Variants in ASIC2 observed in about 807,000 individuals in gnomAD.
ASIC2 encodes acid-sensing ion channel 2.
A neutral mutation model predicts 57.3 loss-of-function variants in ASIC2; 25 were observed. The observed-to-expected ratio is 0.44, with a 90% CI of 0.32 to 0.61. The LOEUF (loss-of-function observed/expected upper bound fraction) is 0.61, where lower values mean the gene tolerates loss of function less well. Among genes scored for constraint, ASIC2 ranks in the 20% least tolerant of loss-of-function variants. The pLI, the probability that ASIC2 is intolerant of heterozygous loss-of-function variation, is 0.06. For synonymous variants in ASIC2, 319 were observed against 307.5 expected (o/e 1.04, Z -0.39); for missense variants, 641 against 738.1 (o/e 0.87, Z 1.52).
chr17:34,155,671 G>A (rs1001942260), intron 1 of ASIC2: 22 of 348,454 alleles, frequency 6.3e-5, no homozygotes, highest in South Asian at 2.2e-4. Context: ...ACCGGACAAC[G>A]GACAGCCCAG....
chr17:33,272,248 A>G (rs1042446718), intron 1 of ASIC2, among the ~76,000 whole-genome samples: 1 of 152,212 alleles, frequency 6.6e-6, no homozygotes, highest in Non-Finnish European at 1.5e-5. Flanking sequence ...ATCATCTGAA[A>G]TTATGGCATT....
intron 1 of ASIC2, among the ~76,000 whole-genome samples, chr17:33,174,358 T>C (rs766666076): frequency 1.7e-4 from 25 of 150,658 alleles, no homozygotes; most frequent in Non-Finnish European, 2.8e-4. Flanking sequence ...GTGGTGGAGG[T>C]TGCAGTGAGC....
chr17:33,964,381 G>A (rs1567771189), intron 1 of ASIC2, among the ~76,000 whole-genome samples: 2 of 152,190 alleles, frequency 1.3e-5, no homozygotes, highest in African/African-American at 2.4e-5. Flanking sequence ...TCAGACACTA[G>A]ACCTCTCTAA....
intron 1 of ASIC2, among the ~76,000 whole-genome samples, chr17:33,301,009 CATTT>C (rs71144872): frequency 0.63 from 93,720 of 149,356 alleles, 29,708 homozygotes; most frequent in East Asian, 0.76. Context: ...TCTTTTTATT[CATTT>C]ATTTATTTAT....
chr17:33,492,691 C>T (rs1440806481), intron 1 of ASIC2, among the ~76,000 whole-genome samples: 1 of 152,166 alleles, frequency 6.6e-6, no homozygotes, highest in African/African-American at 2.4e-5. Flanking sequence ...ATGACATGGG[C>T]TGGCTTCTAA....
At chr17:34,056,947 C>A (rs1908786263) in intron 1 of ASIC2, among the ~76,000 whole-genome samples, 1 of 152,160 alleles carries the variant, frequency 6.6e-6, no homozygotes, top group African/African-American at 2.4e-5. Context: ...CATTTAAATA[C>A]CCTGGGGGAA....
chr17:33,244,682 C>G (rs1262144977), intron 1 of ASIC2, among the ~76,000 whole-genome samples: 1 of 152,346 alleles, frequency 6.6e-6, no homozygotes, highest in African/African-American at 2.4e-5. Context: ...CCACGAGACC[C>G]TTGGCTCTTA....
intron 1 of ASIC2, among the ~76,000 whole-genome samples, chr17:33,637,407 G>A (rs1906407894): frequency 6.6e-6 from 1 of 152,096 alleles, no homozygotes; most frequent in Non-Finnish European, 1.5e-5. Flanking sequence ...CAAAGGATGG[G>A]TTTGGAGAGG....
chr17:33,133,936 G>A (rs543819517), intron 1 of ASIC2, among the ~76,000 whole-genome samples: 1 of 152,224 alleles, frequency 6.6e-6, no homozygotes, highest in Non-Finnish European at 1.5e-5. Flanking sequence ...GACAGTCTGG[G>A]AATTATGCCT....
chr17:33,552,387 C>T (rs1405369167), intron 1 of ASIC2, among the ~76,000 whole-genome samples: 1 of 152,160 alleles, frequency 6.6e-6, no homozygotes, highest in Non-Finnish European at 1.5e-5. Context: ...TACAATCTTC[C>T]CTCAGTAACA....
chr17:33,354,697 A>C (rs929064222), intron 1 of ASIC2, among the ~76,000 whole-genome samples: 1 of 151,916 alleles, frequency 6.6e-6, no homozygotes, highest in Non-Finnish European at 1.5e-5. Flanking sequence ...GCCCCTACTC[A>C]TCCTTCCAGT....
chr17:33,900,058 G>T (rs1915197380), intron 1 of ASIC2, among the ~76,000 whole-genome samples: 1 of 152,194 alleles, frequency 6.6e-6, no homozygotes, highest in African/African-American at 2.4e-5. Context: ...TCTCCATGGT[G>T]ATCACACATT....
At chr17:33,286,134 C>A (rs972893405) in intron 1 of ASIC2, among the ~76,000 whole-genome samples, 1 of 152,246 alleles carries the variant, frequency 6.6e-6, no homozygotes. Flanking sequence ...TGATTTTAAA[C>A]AATATGTTGC....
intron 1 of ASIC2, among the ~76,000 whole-genome samples, chr17:33,145,672 AT>A (rs1240086100): frequency 1.3e-5 from 2 of 152,186 alleles, no homozygotes; most frequent in Admixed American, 1.3e-4. Flanking sequence ...CAATTTCTTC[AT>A]CTATGAAAAT....
chr17:33,235,142 C>A (rs1339758436), intron 1 of ASIC2, among the ~76,000 whole-genome samples: 1 of 152,234 alleles, frequency 6.6e-6, no homozygotes, highest in South Asian at 2.1e-4. Context: ...ACATAAGACA[C>A]ACACAGCCAG....
At chr17:33,985,915 T>C (rs1157588631) in intron 1 of ASIC2, among the ~76,000 whole-genome samples, 1 of 152,192 alleles carries the variant, frequency 6.6e-6, no homozygotes, top group Non-Finnish European at 1.5e-5. Flanking sequence ...TTGGCCTGGG[T>C]CTTTCCTCTG....
intron 1 of ASIC2, among the ~76,000 whole-genome samples, chr17:33,566,395 A>G (rs368187184): frequency 6.6e-6 from 1 of 152,178 alleles, no homozygotes; most frequent in Non-Finnish European, 1.5e-5. Context: ...TGATTGAACC[A>G]GGCAGGAACA....
intron 1 of ASIC2, among the ~76,000 whole-genome samples, chr17:33,672,150 A>G (rs1907657426): frequency 6.6e-6 from 1 of 152,148 alleles, no homozygotes; most frequent in Non-Finnish European, 1.5e-5. Context: ...CCTTGTCCCA[A>G]AAGGCCAGTT....
At chr17:33,828,476 T>A (rs1024246770) in intron 1 of ASIC2, 5 of 152,192 alleles carry the variant, frequency 3.3e-5, no homozygotes, top group African/African-American at 7.2e-5. Flanking sequence ...CAGTAACTTG[T>A]ATGACCTAAA....
Sources: gnomAD v4.1 joint callset for allele counts (sites outside exome capture counted in the v4.1 genomes callset) on GRCh38, gnomAD v4.1.1 for gene constraint, MANE v1.5 for transcripts, NCBI Gene and HGNC (gene_info 2026-07-23, HGNC 2026-07-21) for gene names.